The following MAGI2 variants were observed in gnomAD, a reference collection of about 807,000 sequenced individuals.
MAGI2 encodes membrane associated guanylate kinase, WW and PDZ domain containing 2.
MAGI2 carries 35 observed loss-of-function variants against 133.3 expected under a neutral mutation model. The observed-to-expected ratio is 0.26, with a 90% CI of 0.20 to 0.35. MAGI2 has a LOEUF of 0.35. MAGI2 is among the 10% of genes least tolerant of loss of function. MAGI2 has a pLI of 1.00. For synonymous variants in MAGI2, 729 were observed against 710.6 expected (o/e 1.03, Z -0.41); for missense variants, 1,636 against 1,863.4 (o/e 0.88, Z 2.25).
intron 6 of MAGI2, among the ~76,000 whole-genome samples, chr7:78,378,111 A>G (rs1017801783): frequency 2.0e-5 from 3 of 152,074 alleles, no homozygotes; most frequent in Admixed American, 2.0e-4. Context: ...AATTTAAAAA[A>G]ATCTGAAATG....
chr7:78,766,144 C>G (rs1825005807), intron 2 of MAGI2, among the ~76,000 whole-genome samples: 2 of 152,162 alleles, frequency 1.3e-5, no homozygotes, highest in South Asian at 2.1e-4. Context: ...AGAGAAAGCT[C>G]TCATCCCTGT....
intron 2 of MAGI2, among the ~76,000 whole-genome samples, chr7:78,909,887 A>G (rs1246728900): frequency 1.3e-5 from 2 of 152,184 alleles, no homozygotes; most frequent in Non-Finnish European, 2.9e-5. Context: ...AACCAACCCA[A>G]ATGCCCATCA....
intron 2 of MAGI2, among the ~76,000 whole-genome samples, chr7:78,864,849 A>C (rs924173884): frequency 3.9e-5 from 6 of 152,314 alleles, no homozygotes; most frequent in Non-Finnish European, 5.9e-5. Flanking sequence ...ATTTCATTGA[A>C]AATGACAAAA....
intron 1 of MAGI2, among the ~76,000 whole-genome samples, chr7:79,270,800 G>T (rs62460858): frequency 6.6e-6 from 1 of 151,646 alleles, no homozygotes; most frequent in South Asian, 2.1e-4. Flanking sequence ...GCATTATCCT[G>T]TATTATTCTA....
intron 1 of MAGI2, among the ~76,000 whole-genome samples, chr7:79,363,671 A>T (rs1482033809): frequency 1.4e-5 from 2 of 147,742 alleles, no homozygotes; most frequent in Non-Finnish European, 3.0e-5. Context: ...ATGACTCCAA[A>T]AGTACTGGCA....
At chr7:78,960,590 T>C (rs1320863945) in intron 2 of MAGI2, among the ~76,000 whole-genome samples, 1 of 152,124 alleles carries the variant, frequency 6.6e-6, no homozygotes, top group Non-Finnish European at 1.5e-5. Context: ...AGGTTGAGTT[T>C]TCAGATATTT....
chr7:78,511,304 T>C (rs1354458425), intron 4 of MAGI2, among the ~76,000 whole-genome samples: 3 of 151,856 alleles, frequency 2.0e-5, no homozygotes, highest in Non-Finnish European at 2.9e-5. Context: ...TACTATAGAT[T>C]ATACTCTGTA....
intron 1 of MAGI2, among the ~76,000 whole-genome samples, chr7:79,388,684 G>T (rs1313644583): frequency 6.6e-6 from 1 of 151,506 alleles, no homozygotes; most frequent in African/African-American, 2.4e-5. Context: ...AGAGTGGGAG[G>T]TCATCTAGTT....
chr7:78,573,076 T>TATATATACAC (rs1230373322), intron 3 of MAGI2, among the ~76,000 whole-genome samples: 1 of 52,582 alleles, frequency 1.9e-5, no homozygotes, highest in African/African-American at 9.3e-5. Context: ...TATATATATA[T>TATATATACAC]ACACACACAC....
At chr7:78,943,059 C>G (rs1029306127) in intron 2 of MAGI2, among the ~76,000 whole-genome samples, 5 of 152,000 alleles carry the variant, frequency 3.3e-5, no homozygotes, top group African/African-American at 1.2e-4. Flanking sequence ...CATGGGCATG[C>G]TATTTTACCA....
At chr7:78,583,373 C>A in intron 3 of MAGI2, 1 of 192,756 alleles carries the variant, frequency 5.2e-6, no homozygotes, top group Non-Finnish European at 1.1e-5. Flanking sequence ...TGGCGGGCGC[C>A]TGTGGTCCCA....
intron 9 of MAGI2, among the ~76,000 whole-genome samples, chr7:78,335,860 G>A (rs946453046): frequency 1.3e-5 from 2 of 152,170 alleles, no homozygotes; most frequent in Admixed American, 6.5e-5. Flanking sequence ...AATGTACAAA[G>A]CCATAATGAT....
intron 2 of MAGI2, among the ~76,000 whole-genome samples, chr7:78,730,519 C>A (rs1055860589): frequency 6.6e-6 from 1 of 151,668 alleles, no homozygotes; most frequent in Non-Finnish European, 1.5e-5. Context: ...GTGACTGCTT[C>A]TATTTTTAGT....
intron 2 of MAGI2, among the ~76,000 whole-genome samples, chr7:78,700,393 A>T (rs1383571017): frequency 6.6e-6 from 1 of 152,148 alleles, no homozygotes; most frequent in African/African-American, 2.4e-5. Flanking sequence ...GACTCAAATT[A>T]AAATGAATTT....
At chr7:78,552,329 A>G (rs1334593851) in intron 3 of MAGI2, among the ~76,000 whole-genome samples, 1 of 151,850 alleles carries the variant, frequency 6.6e-6, no homozygotes, top group East Asian at 1.9e-4. Context: ...GATTACAGGC[A>G]TGCATCACCA....
At chr7:78,802,134 T>C (rs74447034) in intron 2 of MAGI2, among the ~76,000 whole-genome samples, 4,125 of 152,310 alleles carry the variant, frequency 0.027, 198 homozygotes, top group African/African-American at 0.094. Context: ...CAGGCCTCCG[T>C]ACCTACGATC....
chr7:78,301,579 C>T (rs1797829506), intron 9 of MAGI2, among the ~76,000 whole-genome samples: 1 of 152,216 alleles, frequency 6.6e-6, no homozygotes, highest in African/African-American at 2.4e-5. Flanking sequence ...AAATGATTCA[C>T]ATGAAACATA....
rs946185629 is a variant in MAGI2 at position 78,664,270 on chromosome 7, A to T, written c.419-37031T>A. On this transcript the variant is annotated intron_variant, in intron 2 of 21. Transcript: ENST00000354212. ...TCTCCTTTCACCAGTAGTTATCCTC[A>T]CCAGTTATATACAGCACTAACATTT... 7.2e-5 allele frequency among the ~76,000 whole-genome samples: 11 copies of T among 152,240 alleles called. No individual in the cohort carries two copies. In the East Asian group the frequency reaches 2.1e-3, roughly 29 times the overall value.
At position 78,576,637 on chromosome 7, in the gene MAGI2, A is replaced by T. The variant is rs188788926; in HGVS notation, c.538+50483T>A. On this transcript the variant is annotated intron_variant, in intron 3 of 21. Transcript: ENST00000354212. Reference sequence around the variant, plus strand: ...CATAGACACCAAGGAAAATCTGAACAGACAGGCCTTGCTGGGTTTCCTTCA... The same window carrying T: ...CATAGACACCAAGGAAAATCTGAACTGACAGGCCTTGCTGGGTTTCCTTCA... 3.9e-5 allele frequency among the ~76,000 whole-genome samples: 6 copies of T among 152,018 alleles called. No individual in the cohort carries two copies. The East Asian group carries it at 9.8e-4, about 25-fold the overall frequency.
Sources: allele counts gnomAD v4.1 joint callset (sites outside exome capture counted in the v4.1 genomes callset), GRCh38; gene constraint gnomAD v4.1.1; transcripts MANE v1.5; gene names NCBI Gene and HGNC (gene_info 2026-07-23, HGNC 2026-07-21).